CDH8: variants seen among roughly 807,000 people sequenced by gnomAD.
CDH8 encodes the protein cadherin 8.
In CDH8, 17 loss-of-function variants were observed where a neutral mutation model predicts 68.1. That is an observed-to-expected ratio of 0.25 (90% CI 0.17 to 0.37). The LOEUF (loss-of-function observed/expected upper bound fraction) is 0.37, where lower values mean the gene tolerates loss of function less well. Ranked by LOEUF, CDH8 falls within the 10% of genes least tolerant of loss-of-function variation. The probability of loss-of-function intolerance (pLI) is 1.00; values close to 1 mark genes in which losing one functional copy is unlikely to be tolerated. For missense variants in CDH8, 763 were observed against 999.3 expected (o/e 0.76, Z 3.19); for synonymous variants, 372 against 365.1 (o/e 1.02, Z -0.21).
chr16:62,009,523 G>A (rs1036664229), intron 2 of CDH8, among the ~76,000 whole-genome samples: 5 of 152,134 alleles, frequency 3.3e-5, no homozygotes, highest in Admixed American at 6.5e-5. Flanking sequence ...GGGTACAAGC[G>A]TTTTGTCTTC....
At chr16:61,699,030 G>A (rs1418733804) in intron 10 of CDH8, among the ~76,000 whole-genome samples, 1 of 152,076 alleles carries the variant, frequency 6.6e-6, no homozygotes, top group Non-Finnish European at 1.5e-5. Flanking sequence ...GTTGGTTTTA[G>A]ATAGCTAGTT....
intron 2 of CDH8, among the ~76,000 whole-genome samples, chr16:62,007,112 T>C (rs1483545226): frequency 6.6e-6 from 1 of 152,072 alleles, no homozygotes; most frequent in Non-Finnish European, 1.5e-5. Context: ...TTCACCATAT[T>C]GATCAGGCTG....
At chr16:61,936,861 A>G (rs1289680187) in intron 2 of CDH8, among the ~76,000 whole-genome samples, 2 of 152,198 alleles carry the variant, frequency 1.3e-5, no homozygotes, top group Non-Finnish European at 2.9e-5. Context: ...TCTATAGTTT[A>G]TTATTAACTT....
chr16:61,753,452 C>A (rs910661866), intron 8 of CDH8, among the ~76,000 whole-genome samples: 1 of 151,948 alleles, frequency 6.6e-6, no homozygotes, highest in Admixed American at 6.6e-5. Context: ...GCTGCCCAGG[C>A]GGGTCTCAGA....
chr16:61,661,565 C>T (rs1472146641), intron 10 of CDH8, among the ~76,000 whole-genome samples: 5 of 151,632 alleles, frequency 3.3e-5, no homozygotes, highest in Non-Finnish European at 7.4e-5. Context: ...TACAATGAAT[C>T]AAAATGTGTG....
intron 8 of CDH8, among the ~76,000 whole-genome samples, chr16:61,744,414 T>C (rs980078582): frequency 7.9e-5 from 12 of 152,064 alleles, no homozygotes; most frequent in African/African-American, 2.9e-4. Context: ...TTCCTTCAGT[T>C]TCAATTTGTA....
chr16:61,779,605 T>C (rs1350623438), intron 8 of CDH8, among the ~76,000 whole-genome samples: 1 of 152,088 alleles, frequency 6.6e-6, no homozygotes, highest in African/African-American at 2.4e-5. Context: ...TCTAGGCAAT[T>C]CTAATCAATG....
chr16:61,700,135 T>A lies in CDH8; in HGVS notation c.1654+13706A>T, dbSNP rs576629982. Among the ~76,000 whole-genome samples the A allele has an allele frequency of 3.6e-4, 55 of 152,304 alleles. No homozygotes were observed. The South Asian group carries it at 0.011, about 31-fold the overall frequency. ...GGCATTAAAATATTAAAGTGTGAGA[T>A]TAATTCTGTATTTCTGCTATTGTGA... is the stretch of plus-strand genomic sequence containing the variant. On this transcript the variant is annotated intron_variant, in intron 10 of 11. Transcript: ENST00000577390.
chr16:61,777,548 G>A (rs1026861762), intron 8 of CDH8, among the ~76,000 whole-genome samples: 1 of 152,038 alleles, frequency 6.6e-6, no homozygotes, highest in Admixed American at 6.6e-5. Context: ...AGGAATGCCT[G>A]GCTAAAATCT....
rs1159867129 is a variant in CDH8 at position 61,649,336 on chromosome 16, T to G, written c.*4272A>C. The G allele has an allele frequency of 1.3e-5, 2 of 151,852 alleles. No homozygotes were observed. The highest frequency in any genetic ancestry group is 3.9e-4 in the East Asian group (2 of 5,166). The allele number at this position is 151,852 out of a possible 1,614,324, so 9.4% of individuals were successfully genotyped here. Reference sequence around the variant, plus strand: ...AACAGAGAGCCACAATTTCAATTTGTTGGCAGTGCGTGAGATTATGAGATG... The same window carrying G: ...AACAGAGAGCCACAATTTCAATTTGGTGGCAGTGCGTGAGATTATGAGATG... On this transcript the variant is annotated 3_prime_UTR_variant, in exon 12 of 12. Transcript: ENST00000577390.
intron 10 of CDH8, among the ~76,000 whole-genome samples, chr16:61,705,288 G>A (rs1449161386): frequency 6.6e-6 from 1 of 152,134 alleles, no homozygotes; most frequent in Non-Finnish European, 1.5e-5. Context: ...CACTGAAAGT[G>A]AGCTAAAACC....
chr16:61,721,412 A>G (rs1285098552), intron 9 of CDH8, among the ~76,000 whole-genome samples: 7 of 150,824 alleles, frequency 4.6e-5, no homozygotes, highest in African/African-American at 1.7e-4. Context: ...AATCTCTTAT[A>G]TTTATTATTT....
intron 7 of CDH8, among the ~76,000 whole-genome samples, chr16:61,808,048 A>G (rs909015289): frequency 4.6e-5 from 7 of 152,366 alleles, no homozygotes; most frequent in South Asian, 2.1e-4. Context: ...GCACTGTACT[A>G]AAATGCTAAA....
At chr16:61,671,252 G>T (rs779845135) in intron 10 of CDH8, among the ~76,000 whole-genome samples, 21 of 151,960 alleles carry the variant, frequency 1.4e-4, no homozygotes, top group Non-Finnish European at 2.9e-4. Flanking sequence ...TGTTGTTGGC[G>T]TAAAGATCTT....
At chr16:61,767,536 C>A (rs1265590514) in intron 8 of CDH8, among the ~76,000 whole-genome samples, 4 of 151,816 alleles carry the variant, frequency 2.6e-5, no homozygotes, top group African/African-American at 9.7e-5. Flanking sequence ...TATCATAATG[C>A]AAATGTTAAG....
In CDH8 at chr16:61,653,726, G is replaced by A; in HGVS notation, c.2282C>T (p.Ser761Phe). 1 of 1,614,128 alleles carries A rather than the reference G, an allele frequency of 6.2e-7. No individual in the cohort carries two copies. Among genetic ancestry groups the A allele is most frequent in the Non-Finnish European group, 8.5e-7 (1 of 1,180,030 alleles). ...GRGSVAGSLS[S>F]LESTTSDSDQ... ...TGAGTCTGATGTGGTGGACTCCAAG[G>A]AGCTGAGGGAGCCAGCCACTGACCC... Residue 761 changes from serine to phenylalanine, a missense_variant, in exon 12 of 12, where the codon TCC (serine) becomes TTC (phenylalanine). Physicochemically the swap from Ser to Phe is radical, Grantham distance 155. Coordinates refer to ENST00000577390, the MANE Select transcript of CDH8 (RefSeq NM_001796.5).
intron 10 of CDH8, among the ~76,000 whole-genome samples, chr16:61,689,864 G>A (rs1360872112): frequency 6.6e-6 from 1 of 151,784 alleles, no homozygotes; most frequent in African/African-American, 2.4e-5. Context: ...GAGTTTTAGA[G>A]AGTTCAACTA....
intron 1 of CDH8, among the ~76,000 whole-genome samples, chr16:62,024,907 A>C (rs1902161255): frequency 1.3e-5 from 2 of 152,194 alleles, no homozygotes. Context: ...ATGAGCATAT[A>C]CTGTATGTCA....
intron 10 of CDH8, among the ~76,000 whole-genome samples, chr16:61,659,053 A>G (rs981311963): frequency 1.1e-4 from 16 of 152,156 alleles, no homozygotes; most frequent in African/African-American, 3.9e-4. Flanking sequence ...TAATTGTCTT[A>G]TACATTGATT....
Sources: gnomAD v4.1 joint callset for allele counts (sites outside exome capture counted in the v4.1 genomes callset) on GRCh38, gnomAD v4.1.1 for gene constraint, MANE v1.5 for transcripts, NCBI Gene and HGNC (gene_info 2026-07-23, HGNC 2026-07-21) for gene names.